PRKCQ: variants seen among roughly 807,000 people sequenced by gnomAD.
PRKCQ encodes protein kinase C theta type.
In PRKCQ, 41 loss-of-function variants were observed where a neutral mutation model predicts 91.2. The observed-to-expected ratio is 0.45, with a 90% CI of 0.35 to 0.58. The LOEUF is 0.58. Ranked by LOEUF, PRKCQ falls within the 20% of genes least tolerant of loss-of-function variation. The probability of loss-of-function intolerance (pLI) is 0.00; values close to 1 mark genes in which losing one functional copy is unlikely to be tolerated. For missense variants in PRKCQ, 673 were observed against 896.5 expected (o/e 0.75, Z 3.18); for synonymous variants, 307 against 316.9 (o/e 0.97, Z 0.33).
intron 15 of PRKCQ, 152 bp from the exon 16 acceptor site, chr10:6,442,233 A>C: frequency 1.4e-6 from 1 of 730,864 alleles, no homozygotes; most frequent in Non-Finnish European, 2.1e-6. Flanking sequence ...GAAGCCAATG[A>C]CTGGAGAGCA....
At chr10:6,494,419 C>CCTTCTTCA (rs1382893605) in intron 7 of PRKCQ, among the ~76,000 whole-genome samples, 1 of 152,134 alleles carries the variant, frequency 6.6e-6, no homozygotes, top group Non-Finnish European at 1.5e-5. Context: ...TCATGGTTCA[C>CCTTCTTCA]CTTCTTCATA....
intron 1 of PRKCQ, among the ~76,000 whole-genome samples, chr10:6,553,509 AAAAAAAAACAAACAAACAAAAG>A (rs1564390057): frequency 6.8e-6 from 1 of 147,582 alleles, no homozygotes; most frequent in Admixed American, 6.6e-5. Context: ...AAAAAAAAAA[AAAAAAAAACAAACAAACAAAAG>A]AAGAAGAAGA....
At chr10:6,521,920 ATG>A (rs1491026357) in intron 1 of PRKCQ, among the ~76,000 whole-genome samples, 2 of 33,576 alleles carry the variant, frequency 6.0e-5, no homozygotes, top group South Asian at 1.0e-3. Flanking sequence ...ATGTTATGTT[ATG>A]TTATTTATTT....
intron 1 of PRKCQ, among the ~76,000 whole-genome samples, chr10:6,562,459 G>A (rs1449449742): frequency 6.6e-6 from 1 of 152,196 alleles, no homozygotes; most frequent in Non-Finnish European, 1.5e-5. Context: ...GATCTTAGCA[G>A]AGCTCCCGGC....
intron 4 of PRKCQ, among the ~76,000 whole-genome samples, 166 bp from the exon 5 acceptor site, chr10:6,498,724 T>A (rs1275526464): frequency 6.6e-6 from 1 of 152,164 alleles, no homozygotes; most frequent in Non-Finnish European, 1.5e-5. Flanking sequence ...ACACTAAGCA[T>A]CTTTCCTCAA....
chr10:6,491,292 T>C (rs1837281822), intron 8 of PRKCQ, among the ~76,000 whole-genome samples: 1 of 152,162 alleles, frequency 6.6e-6, no homozygotes, highest in Non-Finnish European at 1.5e-5. Flanking sequence ...GGAGAAGGGT[T>C]AGGGTACCAC....
At chr10:6,527,124 G>A (rs781422378) in intron 1 of PRKCQ, among the ~76,000 whole-genome samples, 6 of 152,306 alleles carry the variant, frequency 3.9e-5, no homozygotes, top group Non-Finnish European at 8.8e-5. Flanking sequence ...ATGAGAAGAT[G>A]AGACATTTTA....
chr10:6,481,062 CA>C (rs1370706997), intron 11 of PRKCQ, among the ~76,000 whole-genome samples: 2 of 152,204 alleles, frequency 1.3e-5, no homozygotes, highest in African/African-American at 4.8e-5. Flanking sequence ...GAAAGAGAAA[CA>C]GCCATCCTGT....
At chr10:6,406,235 T>A in the PRKCQ span, among the ~76,000 whole-genome samples, 1 of 152,106 alleles carries the variant, frequency 6.6e-6, no homozygotes, top group South Asian at 2.1e-4. Flanking sequence ...TGCCTTAGAG[T>A]GCCTATATCA....
chr10:6,395,188 C>T, the PRKCQ span, among the ~76,000 whole-genome samples: 3 of 151,752 alleles, frequency 2.0e-5, no homozygotes, highest in Non-Finnish European at 2.9e-5. Flanking sequence ...TTCAGCCTCC[C>T]GAGTAGCTGG....
At chr10:6,419,843 C>T in the PRKCQ span, among the ~76,000 whole-genome samples, 1 of 151,938 alleles carries the variant, frequency 6.6e-6, no homozygotes, top group African/African-American at 2.4e-5. Flanking sequence ...TGCATGCCAC[C>T]ATGCCTAGCT....
chr10:6,507,040 TCTTA>T (rs1174818941), intron 4 of PRKCQ, among the ~76,000 whole-genome samples: 7 of 152,228 alleles, frequency 4.6e-5, no homozygotes, highest in Non-Finnish European at 8.8e-5. Context: ...TTGATTGACT[TCTTA>T]CTTATTTTGT....
the PRKCQ span, among the ~76,000 whole-genome samples, chr10:6,407,237 A>T: frequency 6.7e-6 from 1 of 149,818 alleles, no homozygotes; most frequent in Non-Finnish European, 1.5e-5. The surrounding 1 kb of genome is among the most constrained non-coding windows in gnomAD (Gnocchi z 4.0). Flanking sequence ...GCGAGCACCC[A>T]GTCCTGAATG....
At chr10:6,397,392 C>A in the PRKCQ span, among the ~76,000 whole-genome samples, 1 of 142,514 alleles carries the variant, frequency 7.0e-6, no homozygotes, top group Non-Finnish European at 1.6e-5. Flanking sequence ...CCATGTCCGA[C>A]CCCTTTGCCT....
At chr10:6,560,647 T>C (rs1840593359) in intron 1 of PRKCQ, among the ~76,000 whole-genome samples, 1 of 152,268 alleles carries the variant, frequency 6.6e-6, no homozygotes, top group Non-Finnish European at 1.5e-5. Context: ...GTTCAGCCTC[T>C]GAAAATGTGT....
intron 1 of PRKCQ, among the ~76,000 whole-genome samples, chr10:6,577,914 C>T (rs1196925412): frequency 6.6e-6 from 1 of 152,144 alleles, no homozygotes. Flanking sequence ...TACCACAAGC[C>T]CATACTCTTG....
At position 6,555,106 on chromosome 10, in the gene PRKCQ, G is replaced by A. The variant is rs141202409; in HGVS notation, c.-10+25105C>T. 5.9e-3 allele frequency among the ~76,000 whole-genome samples: 899 copies of A among 151,108 alleles called. 9 individuals carry two copies. The highest frequency in any genetic ancestry group is 0.021 in the African/African-American group (852 of 41,114). ...TACTCATGGACATAAAGATGGCAAC[G>A]ATAGATACTGGGGACAAGTAAAGGT... is the stretch of plus-strand genomic sequence containing the variant. On this transcript the variant is annotated intron_variant, in intron 1 of 17. Transcript: ENST00000263125.
chr10:6,473,651 G>A (rs893909486), intron 12 of PRKCQ, among the ~76,000 whole-genome samples: 7 of 152,178 alleles, frequency 4.6e-5, no homozygotes, highest in Admixed American at 1.3e-4. Context: ...GTTTCCGTGG[G>A]TTTTCTTTTC....
At chr10:6,462,484 C>A (rs1835405953) in intron 13 of PRKCQ, 119 bp from the exon 14 acceptor site, 6 of 798,606 alleles carry the variant, frequency 7.5e-6, no homozygotes, top group Middle Eastern at 2.7e-4. Context: ...ACACACATAA[C>A]TCTGTTTAAT....
Sources: allele counts gnomAD v4.1 joint callset (sites outside exome capture counted in the v4.1 genomes callset), GRCh38; gene constraint gnomAD v4.1.1; non-coding constraint Gnocchi (gnomAD v3.1); transcripts MANE v1.5; gene names NCBI Gene and HGNC (gene_info 2026-07-23, HGNC 2026-07-21).